The following CEP170B variants were observed in gnomAD, a reference collection of about 807,000 sequenced individuals.
CEP170B encodes centrosomal protein 170B.
CEP170B carries 55 observed loss-of-function variants against 120.6 expected under a neutral mutation model. The observed-to-expected ratio is 0.46, with a 90% CI of 0.37 to 0.57. The LOEUF (loss-of-function observed/expected upper bound fraction) is 0.57, where lower values mean the gene tolerates loss of function less well. CEP170B is among the 20% of genes least tolerant of loss of function. The pLI, the probability that CEP170B is intolerant of heterozygous loss-of-function variation, is 0.00. For missense variants in CEP170B, 2,212 were observed against 2,253.3 expected, an observed-to-expected ratio of 0.98 and a Z score of 0.37; for synonymous variants, 1,033 against 954.5, an observed-to-expected ratio of 1.08 and a Z score of -1.52.
chr14:104,873,352 A>G (rs1340964418), intron 2 of CEP170B, among the ~76,000 whole-genome samples: 1 of 151,404 alleles, frequency 6.6e-6, no homozygotes, highest in East Asian at 1.9e-4. Flanking sequence ...TGAAGGTGAG[A>G]CCCAGGCCTG....
Position 104,894,884 on chromosome 14 carries a change from C to T in CEP170B, c.4591C>T (p.Gln1531Ter). The T allele has an allele frequency of 6.2e-7, 1 of 1,604,068 alleles. No homozygotes were observed. The highest frequency in any genetic ancestry group is 8.5e-7 in the Non-Finnish European group (1 of 1,176,060). ...LPALPLRNFP[Q>*]RASCGPPSLP... is the part of the protein sequence containing the mutation. ...AGCCCTGCCCCTGAGGAATTTCCCA[C>T]AGCGGGCCAGCTGTGGGCCTCCCAG... The change falls in exon 19 of 19, where the codon CAG becomes TAG. Residue 1531 changes from glutamine (Q) to a stop codon, truncating the protein, a stop_gained. Transcript: ENST00000414716. LOFTEE classifies it high-confidence loss of function.
intron 6 of CEP170B, among the ~76,000 whole-genome samples, chr14:104,880,832 C>T (rs909888329): frequency 6.6e-6 from 1 of 151,934 alleles, no homozygotes; most frequent in Non-Finnish European, 1.5e-5. Context: ...CACCCCTGTG[C>T]ACTCACACCC....
chr14:104,866,289 C>A lies in CEP170B; in HGVS notation c.-28+776C>A, dbSNP rs540106033. On this transcript the variant is annotated intron_variant, in intron 1 of 18. Coordinates refer to ENST00000414716, the MANE Select transcript of CEP170B (RefSeq NM_001112726.3). Reference sequence around the variant, plus strand: ...GGCTTCATTTCGCCTTAAACAGGGACCGTGGACTCCTCAGGGCGGGCCGCG... The same window carrying A: ...GGCTTCATTTCGCCTTAAACAGGGAACGTGGACTCCTCAGGGCGGGCCGCG... Among the ~76,000 whole-genome samples, 12 of 152,294 alleles carry A rather than the reference C, an allele frequency of 7.9e-5. 1 individual carries two copies. The South Asian group carries it at 2.1e-3, about 26-fold the overall frequency.
chr14:104,870,661 G>C lies in CEP170B; in HGVS notation c.105+2106G>C, dbSNP rs566616330. On this transcript the variant is annotated intron_variant, in intron 2 of 18. Transcript: ENST00000414716. The surrounding 1 kb of genome is among the most constrained non-coding windows in gnomAD (Gnocchi z 4.1). ...AGGGGAAAAGTGCTGGGGGCAGGGTGCTCAGGGTGAGTTTGGGGTCCGATT... is the reference window on the plus strand; with the variant it reads ...AGGGGAAAAGTGCTGGGGGCAGGGTCCTCAGGGTGAGTTTGGGGTCCGATT... 6.6e-6 allele frequency among the ~76,000 whole-genome samples: 1 copy of C among 152,302 alleles called. No individual in the cohort carries two copies. The highest frequency in any genetic ancestry group is 2.1e-4 in the South Asian group (1 of 4,826).
chr14:104,875,251 G>A (rs1261245916), intron 2 of CEP170B, among the ~76,000 whole-genome samples: 1 of 152,216 alleles, frequency 6.6e-6, no homozygotes, highest in African/African-American at 2.4e-5. Flanking sequence ...TCCCAGGGCT[G>A]GGGGACTTCC....
At chr14:104,888,252 A>G (rs538649307) in intron 12 of CEP170B, among the ~76,000 whole-genome samples, 1 of 152,320 alleles carries the variant, frequency 6.6e-6, no homozygotes, top group South Asian at 2.1e-4. Flanking sequence ...GGTGTGCCTC[A>G]GGGCCCCGAA....
Position 104,895,142 on chromosome 14 carries a change from C to A in CEP170B, c.*184C>A, listed in dbSNP as rs1897022940. 3.1e-6 allele frequency: 2 copies of A among 638,182 alleles called. No individual in the cohort carries two copies. The highest frequency in any genetic ancestry group is 3.1e-5 in the East Asian group (1 of 32,514). The allele number at this position is 638,182 out of a possible 1,614,324, so 39.5% of individuals were successfully genotyped here. A position where few individuals can be genotyped will look rare whatever the true frequency, so the allele number is the denominator to read the frequency against. ...AGCTCCCAGCCAGCACCCTACTCAC[C>A]CTGTCCAGCCCCATGGCCACCCCCA... On this transcript the variant is annotated 3_prime_UTR_variant, in exon 19 of 19. Transcript: ENST00000414716.
chr14:104,871,897 G>A (rs1433044882), intron 2 of CEP170B, among the ~76,000 whole-genome samples: 1 of 152,236 alleles, frequency 6.6e-6, no homozygotes, highest in African/African-American at 2.4e-5. Flanking sequence ...GGGGAGTTGT[G>A]TTCCAGGCAG....
intron 3 of CEP170B, 139 bp downstream of exon 3, chr14:104,876,484 C>T (rs1895856309): frequency 2.7e-6 from 2 of 740,378 alleles, no homozygotes; most frequent in Non-Finnish European, 4.5e-6. Flanking sequence ...TCTGCCTCCT[C>T]CCCCAGCCAT....
At chr14:104,866,788 C>T (rs1193147962) in intron 1 of CEP170B, among the ~76,000 whole-genome samples, 1 of 152,114 alleles carries the variant, frequency 6.6e-6, no homozygotes, top group Non-Finnish European at 1.5e-5. Flanking sequence ...GGGCACTGGG[C>T]AAAGTAGGGA....
rs1399895851 is a variant in CEP170B at position 104,872,426 on chromosome 14, TGC to T, written c.106-3828_106-3827del. On this transcript the variant is annotated intron_variant, in intron 2 of 18. Coordinates refer to ENST00000414716, the MANE Select transcript of CEP170B (RefSeq NM_001112726.3). ...GCGTGGGTGTGCCGTGGGTGTGCCG[TGC>T]GTGTGTGCGTGTGTGTGCCATGTGT... Among the ~76,000 whole-genome samples, 297 of 40,384 alleles carry T rather than the reference TGC, an allele frequency of 7.4e-3. 21 individuals are homozygous for T. The highest frequency in any genetic ancestry group is 0.013 in the African/African-American group (221 of 17,250). The allele number at this position is 40,384 out of a possible 152,430, so 26.5% of individuals were successfully genotyped here. A position where few individuals can be genotyped will look rare whatever the true frequency, so the allele number is the denominator to read the frequency against.
chr14:104,881,548 T>G (rs1323844523), intron 6 of CEP170B, among the ~76,000 whole-genome samples: 1 of 152,190 alleles, frequency 6.6e-6, no homozygotes, highest in African/African-American at 2.4e-5. Context: ...CAGAAAGCCA[T>G]CTGAGCTCCC....
At position 104,887,496 on chromosome 14, in the gene CEP170B, C is replaced by T. The variant is rs551291474; in HGVS notation, c.3257C>T (p.Pro1086Leu). 1.1e-5 allele frequency: 18 copies of T among 1,611,852 alleles called. No individual in the cohort carries two copies. The highest frequency in any genetic ancestry group is 2.2e-5 in the East Asian group (1 of 44,880). Reference sequence around the variant, plus strand: ...TCTCGCCGGAAACCAGCGGCCCCACCGCCATCCCCAGCTGCCCGGGAGGAG... The same window carrying T: ...TCTCGCCGGAAACCAGCGGCCCCACTGCCATCCCCAGCTGCCCGGGAGGAG... ...LGSRRKPAAP[P>L]PSPAAREEQS... Residue 1086 changes from proline (P) to leucine (L), a missense_variant, in exon 12 of 19, where the codon CCG becomes CTG. Coordinates refer to ENST00000414716, the MANE Select transcript of CEP170B (RefSeq NM_001112726.3).
intron 2 of CEP170B, among the ~76,000 whole-genome samples, chr14:104,872,457 C>A (rs369761274): frequency 6.8e-5 from 8 of 117,746 alleles, no homozygotes; most frequent in Admixed American, 1.8e-4. Flanking sequence ...CATGTGTGTG[C>A]GTGTGGGTGT....
rs984362244 is a variant in CEP170B, at chr14:104,865,765, G to C, written c.-28+252G>C. Among the ~76,000 whole-genome samples, 4 of 152,070 alleles carry C rather than the reference G, an allele frequency of 2.6e-5. No homozygotes were observed. The highest frequency in any genetic ancestry group is 5.9e-5 in the Non-Finnish European group (4 of 67,966). ...GGGGGCGGCAAGCCTGGGCACCCGG[G>C]TCCCCGCCCCGGCACCGGCTCGGCC... On this transcript the variant is annotated intron_variant, in intron 1 of 18. Transcript: ENST00000414716. This position sits in a 1 kb window ranked among gnomAD's most constrained non-coding sequence, Gnocchi z 6.7.
intron 6 of CEP170B, among the ~76,000 whole-genome samples, chr14:104,882,312 G>A (rs762086152): frequency 5.9e-5 from 9 of 152,228 alleles, no homozygotes; most frequent in Non-Finnish European, 1.3e-4. Flanking sequence ...GGACCCAGGT[G>A]TGGGCTCCCC....
chr14:104,871,280 T>A (rs1311811614), intron 2 of CEP170B, among the ~76,000 whole-genome samples: 1 of 152,068 alleles, frequency 6.6e-6, no homozygotes, highest in African/African-American at 2.4e-5. Context: ...CTGGGGCCTC[T>A]CAGAGGCATC....
In CEP170B at chr14:104,886,326, G is replaced by T; in HGVS notation, c.2087G>T (p.Arg696Leu). 3 of 1,553,736 alleles carry T rather than the reference G, an allele frequency of 1.9e-6. No homozygotes were observed. The highest frequency in any genetic ancestry group is 1.2e-5 in the South Asian group (1 of 83,398). ...GGEPEGSLPV[R>L]MRRRLPQLPS... ...GAGCCGGAGGGGTCCCTGCCTGTGC[G>T]CATGCGGCGACGGCTCCCTCAGCTG... Residue 696 changes from arginine (R) to leucine (L), a missense_variant, in exon 12 of 19, where the codon CGC becomes CTC. By Grantham distance (102) the Arg-to-Leu change is moderately radical. Coordinates refer to ENST00000414716, the MANE Select transcript of CEP170B (RefSeq NM_001112726.3).
rs756793510 is a variant in CEP170B, at chr14:104,883,064, G to A, written c.607G>A (p.Gly203Arg). ...ERPKGPVQQD[G>R]ELHGFRAPAE... Reference sequence around the variant, plus strand: ...CCCCAAGGGACCAGTGCAGCAGGACGGGGAGCTCCACGGCTTCCGCGCCCC... The same window carrying A: ...CCCCAAGGGACCAGTGCAGCAGGACAGGGAGCTCCACGGCTTCCGCGCCCC... The change falls in exon 8 of 19, where the codon GGG (glycine) becomes AGG (arginine). Residue 203 changes from glycine to arginine, a missense_variant. Gly to Arg is a moderately radical substitution (Grantham distance 125, BLOSUM62 -2). This residue lies in a region of CEP170B where 2,166 missense variants were observed against 2,166.7 expected (regional missense o/e 1.00). Transcript: ENST00000414716. 65 of 1,550,520 alleles carry A rather than the reference G, an allele frequency of 4.2e-5. No individual in the cohort carries two copies. Among genetic ancestry groups the A allele is most frequent in the Non-Finnish European group, 5.3e-5 (61 of 1,151,432 alleles).
Sources: gnomAD v4.1 joint callset for allele counts (sites outside exome capture counted in the v4.1 genomes callset) on GRCh38, gnomAD v4.1.1 for gene constraint, gnomAD v4.1.1 regional missense constraint, Gnocchi (gnomAD v3.1) non-coding constraint, MANE v1.5 for transcripts, NCBI Gene and HGNC (gene_info 2026-07-23, HGNC 2026-07-21) for gene names.